Variants in LY86 observed in about 807,000 individuals in gnomAD.
LY86 encodes the protein MD-1, RP105-associated.
Under a neutral mutation model 17.3 loss-of-function variants are expected in LY86, and 20 were observed. That is an observed-to-expected ratio of 1.15 (90% confidence interval 0.81 to 1.68). LY86 has a LOEUF of 1.68. Ranked by LOEUF, LY86 falls within the 40% of genes most tolerant of loss-of-function variation. LY86 has a pLI of 0.00. For missense variants in LY86, 200 were observed against 191.9 expected (o/e 1.04, Z -0.25); for synonymous variants, 74 against 70.6 (o/e 1.05, Z -0.24).
chr6:6,608,064 TTTAATGGTGAAACA>T (rs1761237771), intron 1 of LY86, among the ~76,000 whole-genome samples: 1 of 152,240 alleles, frequency 6.6e-6, no homozygotes. Context: ...GAACAATACA[TTTAATGGTGAAACA>T]TTGGAAACGT....
At chr6:6,610,551 G>T (rs1761306096) in intron 1 of LY86, among the ~76,000 whole-genome samples, 1 of 151,988 alleles carries the variant, frequency 6.6e-6, no homozygotes, top group South Asian at 2.1e-4. Flanking sequence ...TTAGGGGGGG[G>T]CAAGGTGAGT....
chr6:6,592,575 A>C (rs1760562677), intron 1 of LY86, among the ~76,000 whole-genome samples: 1 of 152,224 alleles, frequency 6.6e-6, no homozygotes, highest in South Asian at 2.1e-4. Flanking sequence ...GTGTCCCCTG[A>C]AGATTCATGT....
chr6:6,620,547 T>C (rs1163350985), intron 1 of LY86, among the ~76,000 whole-genome samples: 2 of 152,080 alleles, frequency 1.3e-5, no homozygotes, highest in East Asian at 3.9e-4. Context: ...TCCAGTGGAG[T>C]GTACCCGGGC....
intron 1 of LY86, among the ~76,000 whole-genome samples, chr6:6,605,219 G>A (rs1292816700): frequency 6.6e-6 from 1 of 152,184 alleles, no homozygotes; most frequent in East Asian, 1.9e-4. Flanking sequence ...TTCTATTTCT[G>A]CATAACAAAT....
rs1302408827 is a variant in LY86, at chr6:6,649,656, TC to T, written c.386del (p.Pro129LeufsTer39). On this transcript the variant is annotated frameshift_variant, in exon 4 of 5. Coordinates refer to ENST00000230568, the MANE Select transcript of LY86 (RefSeq NM_004271.4). LOFTEE classifies it high-confidence loss of function. Reference sequence around the variant, plus strand: ...TTTACTATGCTGGGCCTGTCAATAATCCTGAATTTACTATTCCTCAGGTAAG... The same window carrying T: ...TTTACTATGCTGGGCCTGTCAATAATCTGAATTTACTATTCCTCAGGTAAG... ...QIYYAGPVNN[P>X]EFTIPQGEYQ... is the part of the protein sequence containing the mutation. The T allele has an allele frequency of 6.3e-7, 1 of 1,576,326 alleles. No homozygotes were observed.
chr6:6,628,933 G>C (rs1761851213), intron 3 of LY86, among the ~76,000 whole-genome samples: 1 of 152,348 alleles, frequency 6.6e-6, no homozygotes, highest in African/African-American at 2.4e-5. Context: ...TCCTAGCAGA[G>C]AGTACATTTT....
chr6:6,638,809 T>A (rs12214086), intron 3 of LY86, among the ~76,000 whole-genome samples: 1 of 58,978 alleles, frequency 1.7e-5, no homozygotes. Flanking sequence ...CCCTCCCCCC[T>A]CCCCCCACCC....
intron 1 of LY86, among the ~76,000 whole-genome samples, chr6:6,616,320 C>A (rs1761553181): frequency 6.6e-6 from 1 of 152,202 alleles, no homozygotes; most frequent in Non-Finnish European, 1.5e-5. Flanking sequence ...TCGCCTCCAT[C>A]TAAAGCTCTG....
chr6:6,613,657 G>A (rs968807600), intron 1 of LY86, among the ~76,000 whole-genome samples: 1 of 152,228 alleles, frequency 6.6e-6, no homozygotes, highest in African/African-American at 2.4e-5. Flanking sequence ...AGCTGAGGGA[G>A]CCGGCTCCGG....
At chr6:6,604,949 A>T (rs547903752) in intron 1 of LY86, among the ~76,000 whole-genome samples, 5 of 152,186 alleles carry the variant, frequency 3.3e-5, no homozygotes, top group Non-Finnish European at 7.3e-5. Flanking sequence ...ATCAACGTAG[A>T]ACCTAGAATT....
At chr6:6,603,831 TA>T (rs374000971) in intron 1 of LY86, among the ~76,000 whole-genome samples, 60 of 151,542 alleles carry the variant, frequency 4.0e-4, no homozygotes, top group African/African-American at 1.4e-3. Flanking sequence ...ACAGTCACAG[TA>T]AAAAAATAAT....
At chr6:6,600,587 C>CAAAAAAAAAAAAAAAAA (rs59560744) in intron 1 of LY86, among the ~76,000 whole-genome samples, 8 of 82,452 alleles carry the variant, frequency 9.7e-5, no homozygotes, top group East Asian at 3.8e-4. Context: ...GAGACTCCAT[C>CAAAAAAAAAAAAAAAAA]AAAAAAAAAA....
intron 1 of LY86, among the ~76,000 whole-genome samples, chr6:6,610,706 G>A (rs1385660795): frequency 6.6e-6 from 1 of 152,138 alleles, no homozygotes; most frequent in African/African-American, 2.4e-5. Flanking sequence ...GTGTGTGTGT[G>A]CATTCTCATG....
At chr6:6,604,742 C>A (rs575868731) in intron 1 of LY86, among the ~76,000 whole-genome samples, 3 of 151,844 alleles carry the variant, frequency 2.0e-5, no homozygotes, top group Admixed American at 1.3e-4. Context: ...ACCAGGCTAC[C>A]CACAACATAG....
At chr6:6,636,694 A>G (rs1761963217) in intron 3 of LY86, among the ~76,000 whole-genome samples, 1 of 152,144 alleles carries the variant, frequency 6.6e-6, no homozygotes, top group Non-Finnish European at 1.5e-5. Flanking sequence ...TGCATCTCTC[A>G]TGGAATTGGA....
chr6:6,608,893 C>T (rs1761264769), intron 1 of LY86, among the ~76,000 whole-genome samples: 1 of 152,174 alleles, frequency 6.6e-6, no homozygotes, highest in Admixed American at 6.5e-5. Context: ...ATCCAATTTC[C>T]TGTCTTATTT....
intron 1 of LY86, among the ~76,000 whole-genome samples, chr6:6,614,377 C>CTTTTTTTTTTTTTTT (rs57187485): frequency 6.9e-6 from 1 of 145,550 alleles, no homozygotes. Flanking sequence ...AATCACGTCT[C>CTTTTTTTTTTTTTTT]TTTTTTTTTT....
At chr6:6,604,324 A>G (rs930279496) in intron 1 of LY86, among the ~76,000 whole-genome samples, 1 of 152,202 alleles carries the variant, frequency 6.6e-6, no homozygotes, top group African/African-American at 2.4e-5. Context: ...CAGTATATAA[A>G]ATGTATAGCT....
intron 1 of LY86, among the ~76,000 whole-genome samples, chr6:6,613,273 C>A (rs569632447): frequency 6.6e-6 from 1 of 152,368 alleles, no homozygotes; most frequent in South Asian, 2.1e-4. Context: ...GCGCCGTGCG[C>A]CCGCACTCCT....
Sources: gnomAD v4.1 joint callset for allele counts (sites outside exome capture counted in the v4.1 genomes callset) on GRCh38, gnomAD v4.1.1 for gene constraint, MANE v1.5 for transcripts, NCBI Gene and HGNC (gene_info 2026-07-23, HGNC 2026-07-21) for gene names.